The following CACNA2D3 variants were observed in gnomAD, a reference collection of about 807,000 sequenced individuals.
CACNA2D3 encodes the protein calcium voltage-gated channel auxiliary subunit alpha2delta 3, also known as voltage-dependent calcium channel subunit alpha-2/delta-3.
A neutral mutation model predicts 160.6 loss-of-function variants in CACNA2D3; 60 were observed. The ratio of observed to expected loss-of-function variants is 0.37; its 90% CI spans 0.30 to 0.46. CACNA2D3 has a LOEUF of 0.46. Ranked by LOEUF, CACNA2D3 falls within the 20% of genes least tolerant of loss-of-function variation. The pLI, the probability that CACNA2D3 is intolerant of heterozygous loss-of-function variation, is 1.00. For synonymous variants in CACNA2D3, 558 were observed against 492.9 expected (o/e 1.13, Z -1.75); for missense variants, 1,205 against 1,365.0 (o/e 0.88, Z 1.85).
At chr3:54,322,370 T>A (rs1704022624) in intron 3 of CACNA2D3, among the ~76,000 whole-genome samples, 1 of 152,246 alleles carries the variant, frequency 6.6e-6, no homozygotes, top group South Asian at 2.1e-4. Context: ...AATAAATACG[T>A]GCTTACACTT....
chr3:54,393,880 C>T (rs745444420), intron 4 of CACNA2D3, among the ~76,000 whole-genome samples: 5 of 152,322 alleles, frequency 3.3e-5, no homozygotes, highest in East Asian at 1.9e-4. Flanking sequence ...ATGAGACACC[C>T]GTCTTCTTGG....
At chr3:54,564,633 G>C (rs1702380218) in intron 6 of CACNA2D3, among the ~76,000 whole-genome samples, 1 of 152,180 alleles carries the variant, frequency 6.6e-6, no homozygotes, top group East Asian at 1.9e-4. Flanking sequence ...GTGTGAATCA[G>C]TGGCAAGTGT....
At chr3:54,668,736 C>G (rs1700110916) in intron 11 of CACNA2D3, among the ~76,000 whole-genome samples, 2 of 152,374 alleles carry the variant, frequency 1.3e-5, no homozygotes, top group South Asian at 4.1e-4. Context: ...CCTGTGGGAA[C>G]CAGTCAATTC....
chr3:54,706,922 C>T (rs368731369), intron 11 of CACNA2D3, among the ~76,000 whole-genome samples: 1 of 152,216 alleles, frequency 6.6e-6, no homozygotes. Flanking sequence ...TGTTCCCTAC[C>T]TCTGTTTCTG....
At chr3:54,903,944 A>C (rs1364688419) in intron 27 of CACNA2D3, among the ~76,000 whole-genome samples, 1 of 152,184 alleles carries the variant, frequency 6.6e-6, no homozygotes, top group Non-Finnish European at 1.5e-5. Flanking sequence ...TTCCTTATAG[A>C]TACTGGACAT....
intron 13 of CACNA2D3, among the ~76,000 whole-genome samples, chr3:54,774,755 C>T (rs1308508389): frequency 2.0e-5 from 3 of 150,672 alleles, no homozygotes; most frequent in Middle Eastern, 3.4e-3. Context: ...CTGCCTTAGC[C>T]TCCTGAGTAG....
Position 54,253,230 on chromosome 3 carries a change from A to G in CACNA2D3, c.205-67212A>G, listed in dbSNP as rs531816493. ...AGCAAGAGAGTATGGGTGGGTCTCTATTAGTGTGTTCTCACCTTGCTATAA... is the reference window on the plus strand; with the variant it reads ...AGCAAGAGAGTATGGGTGGGTCTCTGTTAGTGTGTTCTCACCTTGCTATAA... On this transcript the variant is annotated intron_variant, in intron 2 of 37. Transcript: ENST00000474759. 1.1e-4 allele frequency among the ~76,000 whole-genome samples: 17 copies of G among 151,540 alleles called. No individual in the cohort carries two copies. The South Asian group carries it at 2.5e-3, about 22-fold the overall frequency.
chr3:54,853,456 C>T (rs1416348482), intron 17 of CACNA2D3, among the ~76,000 whole-genome samples: 2 of 152,178 alleles, frequency 1.3e-5, no homozygotes, highest in Non-Finnish European at 2.9e-5. Context: ...GTCCTTGCTA[C>T]GTCGGGTGCA....
chr3:54,534,744 A>G (rs1325431058), intron 5 of CACNA2D3, among the ~76,000 whole-genome samples: 1 of 146,874 alleles, frequency 6.8e-6, no homozygotes, highest in Non-Finnish European at 1.5e-5. Context: ...CCAACATGAC[A>G]AAACGTTGTC....
intron 2 of CACNA2D3, among the ~76,000 whole-genome samples, chr3:54,307,061 G>T (rs1303969132): frequency 6.6e-6 from 1 of 152,088 alleles, no homozygotes; most frequent in Admixed American, 6.5e-5. Context: ...GCCGACTCCA[G>T]ACTGGCTCAT....
chr3:54,229,863 G>A (rs1461687372), intron 2 of CACNA2D3, among the ~76,000 whole-genome samples: 3 of 152,104 alleles, frequency 2.0e-5, no homozygotes, highest in South Asian at 2.1e-4. Context: ...AGTAGAAAGG[G>A]AAATTGTAAT....
At chr3:54,379,263 A>G (rs548015462) in intron 3 of CACNA2D3, among the ~76,000 whole-genome samples, 1 of 152,344 alleles carries the variant, frequency 6.6e-6, no homozygotes, top group African/African-American at 2.4e-5. Context: ...GCAGAAGGTC[A>G]TTTTATACGA....
intron 2 of CACNA2D3, among the ~76,000 whole-genome samples, chr3:54,129,792 T>G (rs952079016): frequency 2.0e-5 from 3 of 152,216 alleles, no homozygotes; most frequent in African/African-American, 7.2e-5. Flanking sequence ...ATTTGGGGCC[T>G]GCACATGCCA....
chr3:54,555,481 G>C (rs191768507), intron 5 of CACNA2D3, among the ~76,000 whole-genome samples: 2 of 152,242 alleles, frequency 1.3e-5, no homozygotes, highest in African/African-American at 2.4e-5. Context: ...AGTTATCTGG[G>C]TGAAAATGAA....
intron 4 of CACNA2D3, among the ~76,000 whole-genome samples, chr3:54,471,187 G>T (rs560235034): frequency 1.3e-5 from 2 of 152,020 alleles, no homozygotes; most frequent in Non-Finnish European, 2.9e-5. Context: ...AAATGCAAAA[G>T]AACAGAAATC....
intron 4 of CACNA2D3, among the ~76,000 whole-genome samples, chr3:54,430,941 A>G (rs1699980660): frequency 6.6e-6 from 1 of 152,220 alleles, no homozygotes; most frequent in Non-Finnish European, 1.5e-5. Flanking sequence ...CAGAAGCCTT[A>G]CCAATAAACA....
chr3:55,074,014 G>T, intron 37 of CACNA2D3, 100 bp from the exon 38 acceptor site: 1 of 1,156,140 alleles, frequency 8.6e-7, no homozygotes, highest in Non-Finnish European at 1.3e-6. Context: ...GGTCCCAGAA[G>T]ACTTCGTTCT....
chr3:54,474,814 T>C (rs140938780), intron 4 of CACNA2D3, among the ~76,000 whole-genome samples: 1 of 152,264 alleles, frequency 6.6e-6, no homozygotes, highest in East Asian at 1.9e-4. Context: ...AGTTGAGTTC[T>C]CGGATATACA....
At chr3:54,839,534 C>G (rs889301262) in intron 16 of CACNA2D3, among the ~76,000 whole-genome samples, 6 of 152,192 alleles carry the variant, frequency 3.9e-5, no homozygotes, top group Non-Finnish European at 5.9e-5. Context: ...ACATCCACCC[C>G]CTTCTCCCCC....
Sources: allele counts gnomAD v4.1 joint callset (sites outside exome capture counted in the v4.1 genomes callset), GRCh38; gene constraint gnomAD v4.1.1; transcripts MANE v1.5; gene names NCBI Gene and HGNC (gene_info 2026-07-23, HGNC 2026-07-21).